TOGARAM1: variants seen among roughly 807,000 people sequenced by gnomAD.
TOGARAM1 encodes TOG array regulator of axonemal microtubules protein 1.
TOGARAM1 carries 100 observed loss-of-function variants against 166.6 expected under a neutral mutation model. The observed-to-expected ratio is 0.60, with a 90% CI of 0.51 to 0.71. TOGARAM1 has a LOEUF of 0.71. Ranked by LOEUF, TOGARAM1 falls within the 30% of genes least tolerant of loss-of-function variation. The pLI is 0.00. For missense variants in TOGARAM1, 2,029 were observed against 2,102.7 expected (o/e 0.96, Z 0.69); for synonymous variants, 758 against 763.8 (o/e 0.99, Z 0.13).
intron 1 of TOGARAM1, among the ~76,000 whole-genome samples, chr14:44,977,295 T>C (rs1195535794): frequency 6.7e-6 from 1 of 149,538 alleles, no homozygotes. Context: ...AGTGTAGTAG[T>C]GTGATCTCAG....
rs1307128021 is a variant in TOGARAM1, at chr14:45,074,222, G to A, written c.*661G>A. The A allele has an allele frequency of 2.0e-5, 3 of 152,574 alleles. No individual in the cohort carries two copies. Among genetic ancestry groups the A allele is most frequent in the African/African-American group, 7.2e-5 (3 of 41,424 alleles). 9.5% of individuals were successfully genotyped at this position (152,574 alleles called of 1,614,324 possible). A position where few individuals can be genotyped will look rare whatever the true frequency, so the allele number is the denominator to read the frequency against. On this transcript the variant is annotated 3_prime_UTR_variant, in exon 20 of 20. Coordinates refer to ENST00000361462, the MANE Select transcript of TOGARAM1 (RefSeq NM_001308120.2). The stretch of plus-strand genomic sequence containing the variant: ...TGCACGTTTAAAAAACGTGTTGAAT[G>A]TAACCCCCCTATTTTTGTGTGCAAA...
At chr14:44,974,471 A>G (rs1348830173) in intron 1 of TOGARAM1, among the ~76,000 whole-genome samples, 2 of 152,168 alleles carry the variant, frequency 1.3e-5, no homozygotes, top group African/African-American at 4.8e-5. Flanking sequence ...TGGTATGTTA[A>G]CTTCAACATT....
intron 1 of TOGARAM1, among the ~76,000 whole-genome samples, chr14:44,984,835 A>G (rs189600046): frequency 9.9e-5 from 15 of 152,132 alleles, no homozygotes; most frequent in Non-Finnish European, 1.8e-4. Flanking sequence ...AAAGAGCTAT[A>G]CCAGTTCCCT....
Position 44,963,910 on chromosome 14 carries a change from T to G in TOGARAM1, c.1489T>G (p.Ser497Ala). The G allele has an allele frequency of 6.2e-6, 10 of 1,613,956 alleles. No homozygotes were observed. The highest frequency in any genetic ancestry group is 8.5e-6 in the Non-Finnish European group (10 of 1,179,818). ...GGAGGTGGTGAACATTTGCATCTGC[T>G]CCCTGCTGACCTATCCTAGTGAGGA... ...REEVVNICIC[S>A]LLTYPSEDFD... Residue 497 changes from serine to alanine, a missense_variant, in exon 1 of 20, where the codon TCC becomes GCC. By Grantham distance (99) the Ser-to-Ala change is moderately conservative (BLOSUM62 1). Coordinates refer to ENST00000361462, the MANE Select transcript of TOGARAM1 (RefSeq NM_001308120.2).
intron 4 of TOGARAM1, 50 bp downstream of exon 4, chr14:45,004,416 T>C (rs762067590): frequency 2.0e-6 from 3 of 1,470,350 alleles, no homozygotes; most frequent in Non-Finnish European, 2.8e-6. Flanking sequence ...ATTAGTACTT[T>C]GAAGTTAATG....
intron 1 of TOGARAM1, among the ~76,000 whole-genome samples, chr14:44,987,916 T>C (rs1437295344): frequency 6.6e-6 from 1 of 151,602 alleles, no homozygotes. Context: ...CATGGAATAC[T>C]ATGCAGCCAT....
intron 7 of TOGARAM1, among the ~76,000 whole-genome samples, chr14:45,018,015 T>TA (rs1217794706): frequency 2.6e-5 from 4 of 151,876 alleles, no homozygotes; most frequent in East Asian, 3.9e-4. Context: ...TCCCTTACAA[T>TA]AAAAAAAAGT....
Position 44,962,777 on chromosome 14 carries a change from C to CT in TOGARAM1, c.359dup (p.Leu120PhefsTer30), listed in dbSNP as rs1216323477. 1 of 1,612,822 alleles carries CT rather than the reference C, an allele frequency of 6.2e-7. No homozygotes were observed. The highest frequency in any genetic ancestry group is 8.5e-7 in the Non-Finnish European group (1 of 1,180,004). ...GAGGCCTTCCAGGCTTTGCAAGCTGCTTTGCCGCGGCGGGGCGGTCGACTT... is the reference window on the plus strand; with the variant it reads ...GAGGCCTTCCAGGCTTTGCAAGCTGCTTTTGCCGCGGCGGGGCGGTCGACTT... On this transcript the variant is annotated frameshift_variant, in exon 1 of 20. Transcript: ENST00000361462. LOFTEE classifies it high-confidence loss of function.
At chr14:45,061,162 C>T (rs1457861486) in intron 16 of TOGARAM1, among the ~76,000 whole-genome samples, 2 of 152,054 alleles carry the variant, frequency 1.3e-5, no homozygotes. Flanking sequence ...CATTTATATT[C>T]GTGAAGACTA....
rs75878981 is a variant in TOGARAM1, at chr14:45,017,329, A to G, written c.3238+5254A>G. 5.3e-3 allele frequency among the ~76,000 whole-genome samples: 803 copies of G among 152,126 alleles called. 4 individuals are homozygous for G. The highest frequency in any genetic ancestry group is 9.5e-3 in the Non-Finnish European group (645 of 68,002). On this transcript the variant is annotated intron_variant, in intron 7 of 19. Transcript: ENST00000361462. The stretch of plus-strand genomic sequence containing the variant: ...CCTGAGGAGCCACTGCAAGGAAGCA[A>G]CTGCTCATGAGGTTAAACACTAGGG...
At chr14:45,044,438 G>C (rs151147304) in intron 12 of TOGARAM1, among the ~76,000 whole-genome samples, 197 bp from the exon 13 acceptor site, 1 of 152,128 alleles carries the variant, frequency 6.6e-6, no homozygotes, top group East Asian at 1.9e-4. Context: ...CTACTCAGGT[G>C]GCTGAGGCAA....
At chr14:45,072,017 C>G (rs1319688029) in intron 19 of TOGARAM1, among the ~76,000 whole-genome samples, 1 of 152,088 alleles carries the variant, frequency 6.6e-6, no homozygotes, top group Non-Finnish European at 1.5e-5. Context: ...TGTTCAGTCC[C>G]CTATTAGTGT....
chr14:44,988,471 CAT>C (rs1886969110), intron 1 of TOGARAM1, among the ~76,000 whole-genome samples: 1 of 152,052 alleles, frequency 6.6e-6, no homozygotes, highest in Non-Finnish European at 1.5e-5. Flanking sequence ...TTTTTTATAA[CAT>C]AGATAATCTA....
At position 44,962,730 on chromosome 14, in the gene TOGARAM1, C is replaced by T; in HGVS notation, c.309C>T (p.Leu103=). The change falls in exon 1 of 20, where the codon CTC becomes CTT. Residue 103 remains leucine (L), a synonymous_variant. Coordinates refer to ENST00000361462, the MANE Select transcript of TOGARAM1 (RefSeq NM_001308120.2). ...AGGACACTCGGCTCCTTCAACTCCT[C>T]CGCACTGCCCGGGATCCTTCTGAGG... ...DEEDTRLLQL[L]RTARDPSEAF... 2 of 1,613,904 alleles carry T rather than the reference C, an allele frequency of 1.2e-6. No individual in the cohort carries two copies. The highest frequency in any genetic ancestry group is 1.7e-6 in the Non-Finnish European group (2 of 1,180,028).
chr14:44,995,955 C>T, intron 2 of TOGARAM1, 53 bp downstream of exon 2: 1 of 1,453,906 alleles, frequency 6.9e-7, no homozygotes, highest in African/African-American at 1.4e-5. Context: ...CTTCTCTTAA[C>T]TTCATAGTGC....
intron 13 of TOGARAM1, among the ~76,000 whole-genome samples, chr14:45,045,743 A>G (rs936494688): frequency 1.1e-3 from 154 of 141,324 alleles, no homozygotes; most frequent in African/African-American, 3.5e-3. Flanking sequence ...ATATACACAT[A>G]TGTATATATA....
intron 7 of TOGARAM1, among the ~76,000 whole-genome samples, chr14:45,021,208 C>T (rs971982028): frequency 4.6e-5 from 7 of 152,222 alleles, no homozygotes; most frequent in South Asian, 2.1e-4. Context: ...CAAGTCCTCC[C>T]GGACAACTAG....
In TOGARAM1 at chr14:45,011,783, A is replaced by ATGTG. The variant is rs561590482; in HGVS notation, c.3138-191_3138-190insGTGT. Reference sequence around the variant, plus strand: ...AGGTGAACTAAGAATAGCAAAATATATATGTGTGTGTGTGTGTGTGTGTGT... The same window carrying ATGTG: ...AGGTGAACTAAGAATAGCAAAATATATGTGTATGTGTGTGTGTGTGTGTGTGTGT... On this transcript the variant is annotated intron_variant, in intron 6 of 19. Coordinates refer to ENST00000361462, the MANE Select transcript of TOGARAM1 (RefSeq NM_001308120.2). 480 of 417,868 alleles carry ATGTG rather than the reference A, an allele frequency of 1.1e-3. 5 individuals carry two copies. The highest frequency in any genetic ancestry group is 0.011 in the African/African-American group (428 of 37,292). 25.9% of individuals were successfully genotyped at this position (417,868 alleles called of 1,614,324 possible).
intron 3 of TOGARAM1, among the ~76,000 whole-genome samples, chr14:45,000,408 A>T (rs572474996): frequency 2.6e-5 from 4 of 151,778 alleles, no homozygotes; most frequent in African/African-American, 9.7e-5. Flanking sequence ...CATGGAATTA[A>T]TTTTTTTTCT....
Sources: allele counts gnomAD v4.1 joint callset (sites outside exome capture counted in the v4.1 genomes callset), GRCh38; gene constraint gnomAD v4.1.1; transcripts MANE v1.5; gene names NCBI Gene and HGNC (gene_info 2026-07-23, HGNC 2026-07-21).